Variants in ZNF177 observed in about 807,000 individuals in gnomAD.
ZNF177 encodes zinc finger protein 177.
ZNF177 carries 17 observed loss-of-function variants against 19.4 expected under a neutral mutation model. The observed-to-expected ratio is 0.87, with a 90% confidence interval of 0.60 to 1.31. ZNF177 has a LOEUF of 1.31. ZNF177 is among the 40% of genes most tolerant of loss of function. The pLI, the probability that ZNF177 is intolerant of heterozygous loss-of-function variation, is 0.00. For synonymous variants in ZNF177, 220 were observed against 188.7 expected (o/e 1.17, Z -1.36); for missense variants, 633 against 561.8 (o/e 1.13, Z -1.28).
At chr19:9,365,777 G>C (rs2067970541) in intron 2 of ZNF177, among the ~76,000 whole-genome samples, 2 of 152,194 alleles carry the variant, frequency 1.3e-5, no homozygotes, top group Non-Finnish European at 2.9e-5. Flanking sequence ...AGAAGGGAGA[G>C]ATTGAAGTGT....
upstream of ZNF177, among the ~76,000 whole-genome samples, chr19:9,373,244 T>C (rs1311753868): frequency 2.0e-5 from 3 of 152,252 alleles, no homozygotes; most frequent in Non-Finnish European, 4.4e-5. Context: ...TATTTGTCTA[T>C]GTCCGCCTTA....
chr19:9,374,601 T>G (rs1269980154), upstream of ZNF177, among the ~76,000 whole-genome samples: 2 of 152,108 alleles, frequency 1.3e-5, no homozygotes, highest in South Asian at 2.1e-4. Flanking sequence ...TGGTTAAATT[T>G]ATTGTCAGTA....
chr19:9,381,269 AGT>A lies in ZNF177; in HGVS notation c.942_943del (p.Cys314Ter). 6.2e-7 allele frequency: 1 copy of A among 1,614,146 alleles called. No homozygotes were observed. On this transcript the variant is annotated frameshift_variant, in exon 6 of 6. Transcript: ENST00000589262. LOFTEE classifies it low-confidence loss of function (END_TRUNC). ...TCTCATACTGGAGAGAAGCCTTATG[AGT>A]GTGATCACTGTGGAAAATCCTTTAG...
At chr19:9,375,700 C>G, upstream of ZNF177, among the ~76,000 whole-genome samples, 1 of 152,034 alleles carries the variant, frequency 6.6e-6, no homozygotes, top group East Asian at 1.9e-4. Flanking sequence ...AGTTTTACTT[C>G]AGTCTTGTCT....
At chr19:9,380,251 ACCAGAAAGCTGTC>A in intron 5 of ZNF177, 112 bp downstream of exon 7, 1 of 1,275,176 alleles carries the variant, frequency 7.8e-7, no homozygotes, top group East Asian at 2.7e-5. Flanking sequence ...CCAGGCTTTC[ACCAGAAAGCTGTC>A]TCGGGAGAGT....
At chr19:9,378,260 T>G in exon 2 of ZNF177, 1 of 1,611,286 alleles carries the variant, frequency 6.2e-7, no homozygotes, top group Non-Finnish European at 8.5e-7. Flanking sequence ...CTCCTCTAGC[T>G]CTGCCTGCTT....
intron 2 of ZNF177, among the ~76,000 whole-genome samples, chr19:9,365,314 C>A (rs1468655963): frequency 4.0e-5 from 6 of 151,116 alleles, no homozygotes; most frequent in Non-Finnish European, 7.4e-5. Context: ...AGGAGGCAAG[C>A]CCAGAAAAAA....
At chr19:9,379,024 C>T in exon 3 of ZNF177, 1 of 1,610,810 alleles carries the variant, frequency 6.2e-7, no homozygotes, top group African/African-American at 1.3e-5. Flanking sequence ...CATTGCTGGA[C>T]CCTGCTCAAA....
intron 2 of ZNF177, among the ~76,000 whole-genome samples, chr19:9,369,484 T>G (rs1198234557): frequency 6.8e-6 from 1 of 146,086 alleles, no homozygotes; most frequent in Non-Finnish European, 1.5e-5. Flanking sequence ...TTTTATGTGT[T>G]GTTGTGGATT....
chr19:9,366,090 C>A (rs1162745153), intron 2 of ZNF177, among the ~76,000 whole-genome samples: 1 of 152,172 alleles, frequency 6.6e-6, no homozygotes, highest in African/African-American at 2.4e-5. Context: ...TCAAGTGATT[C>A]TCCTGCCTCA....
intron 2 of ZNF177, among the ~76,000 whole-genome samples, chr19:9,371,327 C>T (rs943048855): frequency 7.3e-5 from 11 of 151,608 alleles, no homozygotes; most frequent in African/African-American, 2.7e-4. Flanking sequence ...TGTTCTCTTC[C>T]TCCTCCCTTT....
At chr19:9,381,354 C>T (rs866155519) in exon 6 of ZNF177, 2 of 1,610,810 alleles carry the variant, frequency 1.2e-6, no homozygotes, top group Admixed American at 1.7e-5. Context: ...AACCCTATGA[C>T]TGTAAGGAAT....
intron 1 of ZNF177, 130 bp downstream of exon 3, chr19:9,376,553 C>T (rs967213125): frequency 2.6e-5 from 4 of 152,042 alleles, no homozygotes; most frequent in African/African-American, 7.2e-5. Context: ...TGATTTCTTT[C>T]TCTTTTCTCC....
chr19:9,371,593 T>C (rs566135334), upstream of ZNF177: 1 of 152,340 alleles, frequency 6.6e-6, no homozygotes, highest in Non-Finnish European at 1.5e-5. Context: ...GCTATCAGTC[T>C]GTTTTTCCTT....
At chr19:9,373,541 G>C (rs2068073651), upstream of ZNF177, among the ~76,000 whole-genome samples, 1 of 151,940 alleles carries the variant, frequency 6.6e-6, no homozygotes, top group South Asian at 2.1e-4. Context: ...TTCCATAATG[G>C]CTGTACCAAT....
chr19:9,364,025 T>C (rs889035764), intron 1 of ZNF177, among the ~76,000 whole-genome samples: 1 of 152,194 alleles, frequency 6.6e-6, no homozygotes, highest in African/African-American at 2.4e-5. Flanking sequence ...TTCATCTCAT[T>C]TAAAGTGTAT....
chr19:9,378,877 G>A (rs1026108397), intron 2 of ZNF177, 85 bp from the exon 5 acceptor site: 3 of 1,495,062 alleles, frequency 2.0e-6, no homozygotes, highest in Non-Finnish European at 1.8e-6. Flanking sequence ...CTCCTCTCCA[G>A]TCCTGTCAGC....
chr19:9,378,202 G>T, intron 1 of ZNF177, 57 bp from the exon 4 acceptor site: 11 of 1,488,724 alleles, frequency 7.4e-6, no homozygotes, highest in Non-Finnish European at 9.9e-6. Context: ...TTCCCAGCCT[G>T]CTAGTGTTGA....
At chr19:9,370,955 T>C (rs2068040326) in intron 2 of ZNF177, among the ~76,000 whole-genome samples, 1 of 152,188 alleles carries the variant, frequency 6.6e-6, no homozygotes, top group African/African-American at 2.4e-5. Context: ...TCCAATACAG[T>C]AGCCACTAGC....
Sources: gnomAD v4.1 joint callset for allele counts (sites outside exome capture counted in the v4.1 genomes callset) on GRCh38, gnomAD v4.1.1 for gene constraint, MANE v1.5 for transcripts, NCBI Gene and HGNC (gene_info 2026-07-23, HGNC 2026-07-21) for gene names.